Variants in NEGR1 observed in about 807,000 individuals in gnomAD.
NEGR1 encodes the protein neuronal growth regulator 1, also known as IgLON family member 4.
A neutral mutation model predicts 40.9 loss-of-function variants in NEGR1; 10 were observed. The ratio of observed to expected loss-of-function variants is 0.24; its 90% confidence interval spans 0.15 to 0.42. The LOEUF (loss-of-function observed/expected upper bound fraction) is 0.42. Ranked by LOEUF, NEGR1 falls within the 10% of genes least tolerant of loss-of-function variation. The pLI, the probability that NEGR1 is intolerant of heterozygous loss-of-function variation, is 1.00. For missense variants in NEGR1, 352 were observed against 438.9 expected (o/e 0.80, Z 1.77); for synonymous variants, 185 against 166.8 (o/e 1.11, Z -0.84).
chr1:71,464,581 T>C (rs915338257), intron 6 of NEGR1, among the ~76,000 whole-genome samples: 2 of 152,122 alleles, frequency 1.3e-5, no homozygotes, highest in Non-Finnish European at 2.9e-5. Flanking sequence ...GAGTTTTTAT[T>C]ACAGATTATC....
At chr1:72,229,659 C>CT (rs1258499559) in intron 1 of NEGR1, among the ~76,000 whole-genome samples, 1 of 151,098 alleles carries the variant, frequency 6.6e-6, no homozygotes, top group Admixed American at 6.6e-5. Flanking sequence ...ATTCTGTTTT[C>CT]TTTTTTTGGT....
At chr1:71,905,446 T>G (rs1181893059) in intron 2 of NEGR1, among the ~76,000 whole-genome samples, 1 of 152,062 alleles carries the variant, frequency 6.6e-6, no homozygotes, top group Non-Finnish European at 1.5e-5. Flanking sequence ...TATATTCTAT[T>G]CACATCAAGA....
At chr1:72,076,651 T>A (rs1377191921) in intron 1 of NEGR1, among the ~76,000 whole-genome samples, 2 of 152,052 alleles carry the variant, frequency 1.3e-5, no homozygotes, top group African/African-American at 4.8e-5. Flanking sequence ...TCTCCATATA[T>A]ATGTGTCCGT....
rs1042433308 is a variant in NEGR1 at position 71,914,401 on chromosome 1, G to A, written c.409+20678C>T. Among the ~76,000 whole-genome samples the A allele has an allele frequency of 3.3e-5, 5 of 152,162 alleles. No individual in the cohort carries two copies. In the East Asian group the frequency reaches 9.6e-4, roughly 29 times the overall value. ...ACATTTCACAGAAGAGCTAAATGAG[G>A]TACAAAGTTGTGCTCTGAATGGATA... is the stretch of plus-strand genomic sequence containing the variant. On this transcript the variant is annotated intron_variant, in intron 2 of 6. Transcript: ENST00000357731.
intron 1 of NEGR1, among the ~76,000 whole-genome samples, chr1:71,997,342 C>T (rs535720630): frequency 1.3e-5 from 2 of 152,144 alleles, no homozygotes; most frequent in African/African-American, 2.4e-5. Context: ...ATTGTAGACA[C>T]AACAGACTAC....
At chr1:71,908,216 A>AT (rs1661331441) in intron 2 of NEGR1, among the ~76,000 whole-genome samples, 1 of 143,946 alleles carries the variant, frequency 6.9e-6, no homozygotes, top group African/African-American at 2.6e-5. Context: ...TGCCACTACA[A>AT]AAAAAAAAAA....
intron 1 of NEGR1, among the ~76,000 whole-genome samples, chr1:72,170,297 G>C (rs1651915138): frequency 6.6e-6 from 1 of 152,034 alleles, no homozygotes; most frequent in Non-Finnish European, 1.5e-5. Context: ...AATATTTGAA[G>C]TTTTGCCAAC....
At chr1:72,204,662 C>T (rs1175519935) in intron 1 of NEGR1, among the ~76,000 whole-genome samples, 1 of 151,858 alleles carries the variant, frequency 6.6e-6, no homozygotes, top group African/African-American at 2.4e-5. Flanking sequence ...TATAAGGACA[C>T]ACAAAAAAAA....
chr1:71,781,915 G>A (rs545112166), intron 2 of NEGR1, among the ~76,000 whole-genome samples: 1 of 151,966 alleles, frequency 6.6e-6, no homozygotes, highest in Non-Finnish European at 1.5e-5. Context: ...CTCTCCCAAC[G>A]GTGACTTCTC....
intron 2 of NEGR1, among the ~76,000 whole-genome samples, chr1:71,814,673 T>C (rs1658133808): frequency 6.6e-6 from 1 of 152,130 alleles, no homozygotes; most frequent in South Asian, 2.1e-4. Context: ...TATCCATTTC[T>C]TCTAGATTTT....
At chr1:71,546,399 T>G (rs1250520403) in intron 6 of NEGR1, among the ~76,000 whole-genome samples, 1 of 151,624 alleles carries the variant, frequency 6.6e-6, no homozygotes, top group Non-Finnish European at 1.5e-5. Flanking sequence ...AGCATATGCT[T>G]TCTAGTGGGC....
chr1:72,175,811 C>T (rs796793627), intron 1 of NEGR1, among the ~76,000 whole-genome samples: 10 of 152,128 alleles, frequency 6.6e-5, no homozygotes, highest in Middle Eastern at 3.4e-3. Flanking sequence ...TTTCCACAAA[C>T]GGTTTCTTAT....
intron 2 of NEGR1, among the ~76,000 whole-genome samples, chr1:71,871,815 T>C (rs575256247): frequency 6.6e-6 from 1 of 152,312 alleles, no homozygotes; most frequent in African/African-American, 2.4e-5. Context: ...GGGTCCTTTT[T>C]TCTATCAGAG....
intron 2 of NEGR1, among the ~76,000 whole-genome samples, chr1:71,858,374 G>C (rs1659845420): frequency 6.6e-6 from 1 of 152,056 alleles, no homozygotes; most frequent in Non-Finnish European, 1.5e-5. Flanking sequence ...AGATTAAACA[G>C]ACTGCCTACA....
chr1:71,719,762 G>T (rs1486041816), intron 3 of NEGR1, among the ~76,000 whole-genome samples: 2 of 151,966 alleles, frequency 1.3e-5, no homozygotes, highest in African/African-American at 4.8e-5. Flanking sequence ...TTCTCCTAAT[G>T]CTATCCCTCC....
intron 1 of NEGR1, among the ~76,000 whole-genome samples, chr1:72,146,359 C>G (rs1329693366): frequency 6.6e-6 from 1 of 152,128 alleles, no homozygotes; most frequent in Non-Finnish European, 1.5e-5. Flanking sequence ...TTATTTTTCA[C>G]TCTATTAATG....
intron 6 of NEGR1, among the ~76,000 whole-genome samples, chr1:71,591,615 T>C (rs775317093): frequency 4.6e-5 from 7 of 152,114 alleles, no homozygotes; most frequent in Non-Finnish European, 1.0e-4. Context: ...ATTCATAATT[T>C]CACTAAATAA....
At chr1:71,928,434 A>C (rs1381377082) in intron 2 of NEGR1, among the ~76,000 whole-genome samples, 1 of 106,544 alleles carries the variant, frequency 9.4e-6, no homozygotes, top group Non-Finnish European at 2.0e-5. Flanking sequence ...ATATGTATAT[A>C]TACACATATA....
chr1:71,565,197 T>C (rs1298143827), intron 6 of NEGR1, among the ~76,000 whole-genome samples: 4 of 152,114 alleles, frequency 2.6e-5, no homozygotes, highest in Non-Finnish European at 5.9e-5. Context: ...ATGAATTCTA[T>C]CCAAAACAGG....
Sources: allele counts gnomAD v4.1 joint callset (sites outside exome capture counted in the v4.1 genomes callset), GRCh38; gene constraint gnomAD v4.1.1; transcripts MANE v1.5; gene names NCBI Gene and HGNC (gene_info 2026-07-23, HGNC 2026-07-21).